ADAM19: variants seen among roughly 807,000 people sequenced by gnomAD.
ADAM19 encodes the protein disintegrin and metalloproteinase domain-containing protein 19.
Under a neutral mutation model 114.7 loss-of-function variants are expected in ADAM19, and 65 were observed. The ratio of observed to expected loss-of-function variants is 0.57; its 90% CI spans 0.46 to 0.70. The LOEUF (loss-of-function observed/expected upper bound fraction) is 0.70. Among genes scored for constraint, ADAM19 ranks in the 30% least tolerant of loss-of-function variants. The probability of loss-of-function intolerance (pLI) is 0.00; values close to 1 mark genes in which losing one functional copy is unlikely to be tolerated. For missense variants in ADAM19, 1,063 were observed against 1,204.7 expected (o/e 0.88, Z 1.74); for synonymous variants, 466 against 460.5 (o/e 1.01, Z -0.15).
Position 157,491,827 on chromosome 5 carries a change from G to A in ADAM19, c.1986+8C>T. The A allele has an allele frequency of 6.2e-7, 1 of 1,614,184 alleles. No individual in the cohort carries two copies. The highest frequency in any genetic ancestry group is 8.5e-7 in the Non-Finnish European group (1 of 1,179,994). ...CATGACACAGAGAAGCCAGAACCCA[G>A]CACGCACCCCATGGCCATTGCACTT... On this transcript the variant is annotated splice_region_variant and intron_variant, in intron 17 of 22. Coordinates refer to ENST00000257527, the MANE Select transcript of ADAM19 (RefSeq NM_033274.5).
intron 13 of ADAM19, among the ~76,000 whole-genome samples, chr5:157,498,527 C>T (rs1176367482): frequency 6.6e-6 from 1 of 152,196 alleles, no homozygotes; most frequent in Non-Finnish European, 1.5e-5. Context: ...TGGCCCCTAA[C>T]GAGCACTCAG....
At position 157,488,014 on chromosome 5, in the gene ADAM19, G is replaced by A. The variant is rs1270553173; in HGVS notation, c.2550+251C>T. Among the ~76,000 whole-genome samples, 4 of 152,134 alleles carry A rather than the reference G, an allele frequency of 2.6e-5. No individual in the cohort carries two copies. The South Asian group carries it at 8.3e-4, about 31-fold the overall frequency. On this transcript the variant is annotated intron_variant, in intron 21 of 22. Coordinates refer to ENST00000257527, the MANE Select transcript of ADAM19 (RefSeq NM_033274.5). ...TGACAGAAGTTAATATGGGGTGGAA[G>A]GTGGGTAGTGGCTTGTCATAAAATA...
At chr5:157,575,475 G>T (rs1166220220) in intron 1 of ADAM19, 128 bp downstream of exon 1, 2 of 628,318 alleles carry the variant, frequency 3.2e-6, no homozygotes, top group Non-Finnish European at 4.9e-6. Flanking sequence ...GGCTGGGGAC[G>T]GCGGGGGCGC....
chr5:157,564,523 C>A (rs549952619), intron 2 of ADAM19, 80 bp from the exon 3 acceptor site: 3 of 1,184,124 alleles, frequency 2.5e-6, no homozygotes, highest in East Asian at 4.6e-5. Context: ...TCTAGCACAG[C>A]GCTCCAACAT....
intron 22 of ADAM19, 164 bp from the exon 23 acceptor site, chr5:157,481,166 G>T: frequency 1.1e-6 from 1 of 895,536 alleles, no homozygotes; most frequent in South Asian, 1.7e-5. Flanking sequence ...CAGACCATCA[G>T]CCCTGCAGGA....
rs990830924 is a variant in ADAM19, at chr5:157,479,891, A to G, written c.*1058T>C. 5 of 985,672 alleles carry G rather than the reference A, an allele frequency of 5.1e-6. No homozygotes were observed. In the African/African-American group the frequency reaches 7.0e-5, roughly 14 times the overall value. 61.1% of individuals were successfully genotyped at this position (985,672 alleles called of 1,614,324 possible). ...CTAAGGGGAAACCTCACCTAGATTT[A>G]GCTTAGAGTAAGGAGGAAGACCCCC... is the stretch of plus-strand genomic sequence containing the variant. On this transcript the variant is annotated 3_prime_UTR_variant, in exon 23 of 23. Coordinates refer to ENST00000257527, the MANE Select transcript of ADAM19 (RefSeq NM_033274.5).
At chr5:157,507,788 T>C (rs1029293271) in intron 9 of ADAM19, among the ~76,000 whole-genome samples, 2 of 152,196 alleles carry the variant, frequency 1.3e-5, no homozygotes, top group African/African-American at 4.8e-5. Flanking sequence ...TTTTCCCCAG[T>C]TGAATACATC....
intron 11 of ADAM19, among the ~76,000 whole-genome samples, chr5:157,504,589 TA>T (rs1236178167): frequency 6.6e-6 from 1 of 152,080 alleles, no homozygotes; most frequent in East Asian, 1.9e-4. Flanking sequence ...GAAATAATTT[TA>T]AAAAATTGAC....
chr5:157,546,877 C>T (rs1757065424), intron 3 of ADAM19, among the ~76,000 whole-genome samples: 1 of 152,294 alleles, frequency 6.6e-6, no homozygotes, highest in South Asian at 2.1e-4. Context: ...AAAGTCCGGC[C>T]CAGCTCCACC....
intron 1 of ADAM19, chr5:157,572,213 G>C: frequency 2.2e-6 from 1 of 444,890 alleles, no homozygotes. Flanking sequence ...AGCCTCCCGA[G>C]TAGCTGGGAC....
chr5:157,518,933 G>C, intron 6 of ADAM19, 45 bp from the exon 7 acceptor site: 1 of 1,545,358 alleles, frequency 6.5e-7, no homozygotes. Context: ...AGTGGACTTG[G>C]CCTCATTTTT....
rs36056270 is a variant in ADAM19 at position 157,478,290 on chromosome 5, CAAA to C, written c.*2656_*2658del. The C allele has an allele frequency of 4.2e-4, 29 of 69,426 alleles. No individual in the cohort carries two copies. The highest frequency in any genetic ancestry group is 1.2e-3 in the African/African-American group (23 of 18,730). 4.3% of individuals were successfully genotyped at this position (69,426 alleles called of 1,614,324 possible). A position where few individuals can be genotyped will look rare whatever the true frequency, so the allele number is the denominator to read the frequency against. ...CAGCAAACAGCCCCTCCCCTGGAGA[CAAA>C]AAAAAAAAAAAAAAAAAAAAGGCTG... On this transcript the variant is annotated 3_prime_UTR_variant, in exon 23 of 23. Transcript: ENST00000257527.
rs1754639625 is a variant in ADAM19, at chr5:157,477,909, G to C, written c.*3040C>G. On this transcript the variant is annotated 3_prime_UTR_variant, in exon 23 of 23. Coordinates refer to ENST00000257527, the MANE Select transcript of ADAM19 (RefSeq NM_033274.5). ...AAGTCTCAGACCTTAAGATCTGCAA[G>C]TGTCTCAGAGCTGGGGCAGAAAAAG... The C allele has an allele frequency of 1.7e-5, 6 of 348,970 alleles. No individual in the cohort carries two copies. Among genetic ancestry groups the C allele is most frequent in the South Asian group, 1.4e-4 (6 of 43,180 alleles). The allele number at this position is 348,970 out of a possible 1,614,324, so 21.6% of individuals were successfully genotyped here.
intron 9 of ADAM19, among the ~76,000 whole-genome samples, chr5:157,508,725 G>A (rs1755822502): frequency 6.6e-6 from 1 of 152,172 alleles, no homozygotes; most frequent in South Asian, 2.1e-4. Context: ...CTGGGGCACT[G>A]TCACATGTGA....
intron 1 of ADAM19, 58 bp downstream of exon 1, chr5:157,575,545 G>A: frequency 7.6e-7 from 1 of 1,320,298 alleles, no homozygotes; most frequent in South Asian, 1.5e-5. Context: ...GGACCCGCAA[G>A]GCTACTCCCA....
intron 4 of ADAM19, among the ~76,000 whole-genome samples, chr5:157,536,724 C>A (rs1756778338): frequency 6.6e-6 from 1 of 152,136 alleles, no homozygotes; most frequent in Non-Finnish European, 1.5e-5. Context: ...CTGATAGTGG[C>A]CAGTGTTATC....
rs1001370569 is a variant in ADAM19, at chr5:157,477,461, C to A, written c.*3488G>T. The A allele has an allele frequency of 2.1e-5, 22 of 1,035,196 alleles. No homozygotes were observed. Among genetic ancestry groups the A allele is most frequent in the Non-Finnish European group, 2.2e-5 (19 of 856,694 alleles). The allele number at this position is 1,035,196 out of a possible 1,614,324, so 64.1% of individuals were successfully genotyped here. On this transcript the variant is annotated 3_prime_UTR_variant, in exon 23 of 23. Coordinates refer to ENST00000257527, the MANE Select transcript of ADAM19 (RefSeq NM_033274.5). ...AGATCTGTTTTCCGTGAACAATCTC[C>A]CAAATAAAAAGAAAATTCACATTGC... is the stretch of plus-strand genomic sequence containing the variant.
chr5:157,546,123 A>G (rs892645395), intron 3 of ADAM19, among the ~76,000 whole-genome samples: 1 of 152,230 alleles, frequency 6.6e-6, no homozygotes, highest in Non-Finnish European at 1.5e-5. Flanking sequence ...TGGCACCTGC[A>G]GCTCCCAAGT....
At chr5:157,513,289 G>T in intron 8 of ADAM19, 145 bp downstream of exon 8, 1 of 696,516 alleles carries the variant, frequency 1.4e-6, no homozygotes, top group Non-Finnish European at 2.5e-6. Context: ...TCAGGGCTCT[G>T]TCATGACCGC....
Sources: allele counts gnomAD v4.1 joint callset (sites outside exome capture counted in the v4.1 genomes callset), GRCh38; gene constraint gnomAD v4.1.1; transcripts MANE v1.5; gene names NCBI Gene and HGNC (gene_info 2026-07-23, HGNC 2026-07-21).